Variants in NF1 observed in about 807,000 individuals in gnomAD.
The protein encoded by NF1 is neurofibromin 1, also known as neurofibromin.
In NF1, 122 loss-of-function variants were observed where a neutral mutation model predicts 325.7. The ratio of observed to expected loss-of-function variants is 0.37; its 90% CI spans 0.32 to 0.44. NF1 has a LOEUF of 0.44. Among genes scored for constraint, NF1 ranks in the 20% least tolerant of loss-of-function variants. The probability of loss-of-function intolerance (pLI) is 1.00; values close to 1 mark genes in which losing one functional copy is unlikely to be tolerated. For synonymous variants in NF1, 1,091 were observed against 1,186.0 expected (o/e 0.92, Z 1.65); for missense variants, 2,140 against 3,415.4 (o/e 0.63, Z 9.31).
Position 31,345,745 on chromosome 17 carries a change from A to T in NF1, c.7189+2610A>T. On this transcript the variant is annotated intron_variant, in intron 48 of 57. Transcript: ENST00000358273. ...GTGATCACACGCCTAATGATGTCCG[A>T]GTTGGAGAATAGGCGTGGCCAGCAC... 7 of 1,559,600 alleles carry T rather than the reference A, an allele frequency of 4.5e-6. No individual in the cohort carries two copies. In the South Asian group the frequency reaches 7.8e-5, roughly 17 times the overall value.
intron 27 of NF1, among the ~76,000 whole-genome samples, chr17:31,233,787 A>G (rs887175294): frequency 1.2e-4 from 18 of 152,136 alleles, no homozygotes; most frequent in African/African-American, 4.3e-4. Flanking sequence ...TTAAAAGGCT[A>G]TTTGCTTTTT....
intron 36 of NF1, chr17:31,305,443 A>G: frequency 6.2e-7 from 1 of 1,614,236 alleles, no homozygotes; most frequent in South Asian, 1.1e-5. Context: ...TGGTTGACCC[A>G]AAGGATTCCC....
At chr17:31,349,736 A>G (rs1206925703) in intron 49 of NF1, among the ~76,000 whole-genome samples, 1 of 152,140 alleles carries the variant, frequency 6.6e-6, no homozygotes, top group African/African-American at 2.4e-5. Flanking sequence ...CCACCATTCC[A>G]TTAAAGCTTC....
chr17:31,367,959 T>C (rs1227634588), intron 57 of NF1, among the ~76,000 whole-genome samples: 4 of 143,346 alleles, frequency 2.8e-5, no homozygotes, highest in Admixed American at 6.9e-5. Context: ...ACAAAAAAAT[T>C]AAAAAAAAAA....
Position 31,253,001 on chromosome 17 carries a change from G to GT in NF1, c.4173+2dup. 6.2e-7 allele frequency: 1 copy of GT among 1,611,874 alleles called. No individual in the cohort carries two copies. On this transcript the variant is annotated splice_donor_variant, in intron 31 of 57. Coordinates refer to ENST00000358273, the MANE Select transcript of NF1 (RefSeq NM_001042492.3). LOFTEE classifies it high-confidence loss of function. ...AGAAAAAAAGGAAAACAAAAAATCA[G>GT]TAAGTTTGGAGAACTTTTTATTAGC... is the stretch of plus-strand genomic sequence containing the variant.
At chr17:31,169,415 T>C (rs925264786) in intron 4 of NF1, among the ~76,000 whole-genome samples, 4 of 152,244 alleles carry the variant, frequency 2.6e-5, no homozygotes, top group Admixed American at 1.3e-4. Flanking sequence ...ATCCCTTGTT[T>C]GTTATGTTCC....
intron 1 of NF1, among the ~76,000 whole-genome samples, chr17:31,121,501 C>T (rs757022381): frequency 2.0e-5 from 3 of 150,620 alleles, no homozygotes; most frequent in Non-Finnish European, 2.9e-5. Context: ...CCCGTGTTCA[C>T]GCCATTCTCC....
At chr17:31,269,289 G>A (rs1036885075) in intron 36 of NF1, among the ~76,000 whole-genome samples, 1 of 152,140 alleles carries the variant, frequency 6.6e-6, no homozygotes, top group East Asian at 1.9e-4. Context: ...TTGGCCTAAT[G>A]TACTTTTCTA....
intron 36 of NF1, among the ~76,000 whole-genome samples, chr17:31,299,887 T>C (rs1273183421): frequency 6.6e-6 from 1 of 152,060 alleles, no homozygotes; most frequent in Non-Finnish European, 1.5e-5. Context: ...TCTCTTTGAC[T>C]CTTTGGGAAG....
chr17:31,201,742 G>A (rs1052725309), intron 11 of NF1, among the ~76,000 whole-genome samples: 2 of 152,090 alleles, frequency 1.3e-5, no homozygotes, highest in Non-Finnish European at 2.9e-5. Context: ...AATCTAAAAC[G>A]TTTTATTCAG....
At chr17:31,295,634 T>G in intron 36 of NF1, 10 of 1,614,198 alleles carry the variant, frequency 6.2e-6, no homozygotes, top group Non-Finnish European at 7.6e-6. Context: ...AGTAATGTTT[T>G]GTTTGTGGTC....
intron 5 of NF1, among the ~76,000 whole-genome samples, chr17:31,170,699 C>T (rs2065915549): frequency 6.6e-6 from 1 of 152,068 alleles, no homozygotes; most frequent in Non-Finnish European, 1.5e-5. Context: ...TAATGTAAAT[C>T]AGATACCAAT....
At chr17:31,309,564 A>G (rs1266951394) in intron 36 of NF1, among the ~76,000 whole-genome samples, 2 of 152,192 alleles carry the variant, frequency 1.3e-5, no homozygotes, top group Non-Finnish European at 2.9e-5. Flanking sequence ...TCATTTTAAA[A>G]ATCTGTTTTA....
chr17:31,370,883 C>G (rs2107360), intron 57 of NF1, among the ~76,000 whole-genome samples: 2 of 151,886 alleles, frequency 1.3e-5, no homozygotes, highest in Non-Finnish European at 2.9e-5. Flanking sequence ...CTAGTTTTGC[C>G]TGAATCTTAT....
intron 38 of NF1, 77 bp downstream of exon 38, chr17:31,327,916 AACAGCCTCT>A: frequency 7.5e-7 from 1 of 1,329,786 alleles, no homozygotes; most frequent in Non-Finnish European, 1.1e-6. Context: ...TGAATTTTAA[AACAGCCTCT>A]ACCTTAATAT....
At position 31,357,340 on chromosome 17, in the gene NF1, T is replaced by C. The variant is rs2151583381; in HGVS notation, c.7941T>C (p.Ser2647=). 1 of 1,613,874 alleles carries C rather than the reference T, an allele frequency of 6.2e-7. No individual in the cohort carries two copies. Among genetic ancestry groups the C allele is most frequent in the South Asian group, 1.1e-5 (1 of 91,070 alleles). Residue 2647 remains serine, a synonymous_variant, in exon 54 of 58, where the codon AGT becomes AGC. Coordinates refer to ENST00000358273, the MANE Select transcript of NF1 (RefSeq NM_001042492.3). ...TTTATGAATACTTAGCAGAGGCCAG[T>C]GTTGTGTTTCCCAAAGTCTTTCCTG... ...RILYEYLAEA[S]VVFPKVFPVV...
At chr17:31,234,536 C>T (rs140863276) in intron 27 of NF1, among the ~76,000 whole-genome samples, 68 of 151,392 alleles carry the variant, frequency 4.5e-4, no homozygotes, top group African/African-American at 1.6e-3. Flanking sequence ...ATCAGCTGGG[C>T]GTGGTGGCAG....
At chr17:31,329,481 C>G (rs1221848238) in intron 38 of NF1, among the ~76,000 whole-genome samples, 1 of 152,130 alleles carries the variant, frequency 6.6e-6, no homozygotes, top group Non-Finnish European at 1.5e-5. Flanking sequence ...GCATGATAAA[C>G]ATTCAGAGGT....
chr17:31,173,546 C>T (rs1053284200), intron 5 of NF1, among the ~76,000 whole-genome samples: 2 of 151,130 alleles, frequency 1.3e-5, no homozygotes, highest in African/African-American at 2.4e-5. Flanking sequence ...TGTAGTGAGC[C>T]GAGATCACGC....
Sources: allele counts gnomAD v4.1 joint callset (sites outside exome capture counted in the v4.1 genomes callset), GRCh38; gene constraint gnomAD v4.1.1; transcripts MANE v1.5; gene names NCBI Gene and HGNC (gene_info 2026-07-23, HGNC 2026-07-21).